Variants in AEBP2 observed in about 807,000 individuals in gnomAD.
AEBP2 encodes zinc finger protein AEBP2.
Under a neutral mutation model 50.8 loss-of-function variants are expected in AEBP2, and 10 were observed. That is an observed-to-expected ratio of 0.20 (90% CI 0.12 to 0.33). AEBP2 has a LOEUF of 0.33. Among genes scored for constraint, AEBP2 ranks in the 10% least tolerant of loss-of-function variants. The probability of loss-of-function intolerance (pLI) is 1.00; values close to 1 mark genes in which losing one functional copy is unlikely to be tolerated. For synonymous variants in AEBP2, 296 were observed against 261.3 expected (o/e 1.13, Z -1.28); for missense variants, 570 against 688.0 (o/e 0.83, Z 1.92).
intron 1 of AEBP2, among the ~76,000 whole-genome samples, chr12:19,458,774 T>C (rs1948318811): frequency 6.6e-6 from 1 of 152,206 alleles, no homozygotes; most frequent in Non-Finnish European, 1.5e-5. Flanking sequence ...TTGGACTTTT[T>C]AATAAAAGCA....
At chr12:19,450,985 C>T (rs1948158214) in intron 1 of AEBP2, among the ~76,000 whole-genome samples, 1 of 42,802 alleles carries the variant, frequency 2.3e-5, no homozygotes, top group Admixed American at 1.8e-4. Flanking sequence ...AGTAGTATGA[C>T]AGTTTTTTTT....
chr12:19,424,605 C>T (rs12426130), intron 1 of AEBP2, among the ~76,000 whole-genome samples: 24,918 of 149,790 alleles, frequency 0.17, 3,679 homozygotes, highest in African/African-American at 0.39. Context: ...ACCCTGTTAG[C>T]CAGGATGGTC....
At chr12:19,491,727 T>A (rs374553028) in intron 3 of AEBP2, among the ~76,000 whole-genome samples, 5 of 152,120 alleles carry the variant, frequency 3.3e-5, no homozygotes, top group Non-Finnish European at 7.4e-5. Flanking sequence ...TTTTTTTTTT[T>A]ATCAGCATCA....
At chr12:19,501,839 C>T (rs116984452) in intron 5 of AEBP2, among the ~76,000 whole-genome samples, 2,825 of 39,938 alleles carry the variant, frequency 0.071, 35 homozygotes, top group Non-Finnish European at 0.12. Flanking sequence ...TTTTCTTCTG[C>T]GTGCAGTCAT....
chr12:19,407,261 GC>G (rs1217641223), intron 1 of AEBP2, among the ~76,000 whole-genome samples: 1 of 152,054 alleles, frequency 6.6e-6, no homozygotes, highest in Non-Finnish European at 1.5e-5. Context: ...TATTGGTACC[GC>G]TGCACTTCAG....
chr12:19,417,034 A>C (rs1015141161), intron 1 of AEBP2, among the ~76,000 whole-genome samples: 6 of 151,362 alleles, frequency 4.0e-5, no homozygotes, highest in African/African-American at 1.2e-4. Flanking sequence ...ACCATGCGTG[A>C]CTAATTGTTT....
intron 1 of AEBP2, among the ~76,000 whole-genome samples, chr12:19,429,733 G>A (rs2095750449): frequency 6.6e-6 from 1 of 152,086 alleles, no homozygotes; most frequent in African/African-American, 2.4e-5. Context: ...GGCCAGTGAT[G>A]ATGAGCATTT....
At chr12:19,455,610 C>A (rs536727391) in intron 1 of AEBP2, among the ~76,000 whole-genome samples, 12 of 152,286 alleles carry the variant, frequency 7.9e-5, no homozygotes, top group African/African-American at 2.9e-4. Context: ...ATTTAAGACT[C>A]AAAGTTGGGG....
upstream of AEBP2, among the ~76,000 whole-genome samples, chr12:19,436,744 C>A (rs995999816): frequency 6.6e-6 from 1 of 151,876 alleles, no homozygotes; most frequent in African/African-American, 2.4e-5. Context: ...GTGCACACCA[C>A]CACACCTGGC....
At chr12:19,412,654 A>C (rs1025530493) in intron 1 of AEBP2, among the ~76,000 whole-genome samples, 1 of 152,002 alleles carries the variant, frequency 6.6e-6, no homozygotes, top group African/African-American at 2.4e-5. Flanking sequence ...GGCTAGTCTC[A>C]AACTCCTGGC....
chr12:19,437,408 G>C (rs527555130), upstream of AEBP2, among the ~76,000 whole-genome samples: 1 of 152,246 alleles, frequency 6.6e-6, no homozygotes, highest in South Asian at 2.1e-4. Flanking sequence ...CTTATGATGG[G>C]TGAGGAAAGG....
At chr12:19,510,235 C>G (rs1949214089) in intron 5 of AEBP2, among the ~76,000 whole-genome samples, 1 of 152,128 alleles carries the variant, frequency 6.6e-6, no homozygotes. Context: ...ACATTCCACA[C>G]TCGGTGAGGG....
In AEBP2 at chr12:19,518,757, A is replaced by G; in HGVS notation, c.*640A>G. 6.8e-7 allele frequency: 1 copy of G among 1,474,804 alleles called. No individual in the cohort carries two copies. Among genetic ancestry groups the G allele is most frequent in the Non-Finnish European group, 9.2e-7 (1 of 1,091,334 alleles). 91.4% of individuals were successfully genotyped at this position (1,474,804 alleles called of 1,614,324 possible). On this transcript the variant is annotated 3_prime_UTR_variant, in exon 8 of 8. Coordinates refer to ENST00000266508, the MANE Select transcript of AEBP2 (RefSeq NM_153207.5). Reference sequence around the variant, plus strand: ...AATCAACTAAAAATTCGTCTATCGAATTAGGGCTGAAAATTACTGTTAAAG... The same window carrying G: ...AATCAACTAAAAATTCGTCTATCGAGTTAGGGCTGAAAATTACTGTTAAAG...
intron 5 of AEBP2, 63 bp from the exon 6 acceptor site, chr12:19,512,335 A>G: frequency 2.4e-6 from 3 of 1,225,926 alleles, no homozygotes; most frequent in Non-Finnish European, 2.3e-6. Context: ...AGTGTTTTTT[A>G]ACAATACATG....
chr12:19,470,348 G>A (rs1264807273), intron 2 of AEBP2, among the ~76,000 whole-genome samples: 1 of 152,040 alleles, frequency 6.6e-6, no homozygotes, highest in Non-Finnish European at 1.5e-5. Context: ...GTAGAGACAT[G>A]GTTTCACCAT....
At chr12:19,497,587 G>A (rs79283586) in intron 4 of AEBP2, among the ~76,000 whole-genome samples, 22 of 151,898 alleles carry the variant, frequency 1.4e-4, no homozygotes, top group South Asian at 2.1e-4. Flanking sequence ...ATTCCCGTGC[G>A]TCAGCTTCTT....
chr12:19,463,893 T>C (rs997129926), intron 2 of AEBP2, among the ~76,000 whole-genome samples: 1 of 152,150 alleles, frequency 6.6e-6, no homozygotes, highest in African/African-American at 2.4e-5. Flanking sequence ...CTCGAACTCC[T>C]GAACTCAGTT....
At chr12:19,467,965 T>C (rs1447801852) in intron 2 of AEBP2, among the ~76,000 whole-genome samples, 1 of 151,982 alleles carries the variant, frequency 6.6e-6, no homozygotes, top group East Asian at 1.9e-4. Context: ...CAGTTAACTA[T>C]AGCACTCAGG....
intron 1 of AEBP2, among the ~76,000 whole-genome samples, chr12:19,432,779 G>C (rs2095752082): frequency 6.6e-6 from 1 of 152,066 alleles, no homozygotes; most frequent in Non-Finnish European, 1.5e-5. Flanking sequence ...CAGAGGAAGG[G>C]GTCCTGGGAG....
Sources: allele counts gnomAD v4.1 joint callset (sites outside exome capture counted in the v4.1 genomes callset), GRCh38; gene constraint gnomAD v4.1.1; transcripts MANE v1.5; gene names NCBI Gene and HGNC (gene_info 2026-07-23, HGNC 2026-07-21).